TCEA2: variants seen among roughly 807,000 people sequenced by gnomAD.
TCEA2 encodes transcription elongation factor A2.
Under a neutral mutation model 40.8 loss-of-function variants are expected in TCEA2, and 21 were observed. The ratio of observed to expected loss-of-function variants is 0.51; its 90% confidence interval spans 0.36 to 0.74. The LOEUF (loss-of-function observed/expected upper bound fraction) is 0.74, where lower values mean the gene tolerates loss of function less well. TCEA2 is among the 30% of genes least tolerant of loss of function. The pLI is 0.00. For missense variants in TCEA2, 326 were observed against 426.5 expected, an observed-to-expected ratio of 0.76 and a Z score of 2.08; for synonymous variants, 165 against 162.7, an observed-to-expected ratio of 1.01 and a Z score of -0.11.
chr20:64,061,063 T>C (rs1167550003), upstream of TCEA2, among the ~76,000 whole-genome samples: 1 of 147,448 alleles, frequency 6.8e-6, no homozygotes, highest in African/African-American at 2.5e-5. Context: ...AGTGCTAGGA[T>C]TACAAGCATG....
chr20:64,069,329 G>A (rs1404589028), intron 4 of TCEA2, 32 bp from the exon 5 acceptor site: 1 of 1,547,666 alleles, frequency 6.5e-7, no homozygotes, highest in Non-Finnish European at 8.7e-7. Flanking sequence ...GCAGCCTTGA[G>A]TCTGAACCCA....
At chr20:64,058,370 C>T (rs151330015), upstream of TCEA2, among the ~76,000 whole-genome samples, 144 of 152,352 alleles carry the variant, frequency 9.5e-4, no homozygotes, top group African/African-American at 3.4e-3. The surrounding 1 kb of genome is among the most constrained non-coding windows in gnomAD (Gnocchi z 6.7). Context: ...GTCCTTAAGA[C>T]GCCACAGCAT....
upstream of TCEA2, among the ~76,000 whole-genome samples, chr20:64,060,596 C>G (rs1228664179): frequency 1.3e-5 from 2 of 152,162 alleles, no homozygotes; most frequent in African/African-American, 4.8e-5. Context: ...TATGCCCAAA[C>G]CATGGGATTC....
chr20:64,065,686 A>G (rs932675094), intron 1 of TCEA2: 6 of 152,330 alleles, frequency 3.9e-5, no homozygotes, highest in African/African-American at 1.4e-4. Flanking sequence ...TGGCCTCGTC[A>G]GTGTTGAGGA....
chr20:64,056,576 G>C (rs1236858033), upstream of TCEA2, among the ~76,000 whole-genome samples: 2 of 152,082 alleles, frequency 1.3e-5, no homozygotes, highest in Non-Finnish European at 2.9e-5. Context: ...CCCGCTCTGT[G>C]GTTGCAGGAA....
Position 64,066,509 on chromosome 20 carries a change from G to A in TCEA2, c.106G>A (p.Ala36Thr), listed in dbSNP as rs1019843127. Residue 36 changes from alanine to threonine, a missense_variant, in exon 2 of 10, where the codon GCC becomes ACC. Coordinates refer to ENST00000343484, the MANE Select transcript of TCEA2 (RefSeq NM_003195.6). ...GAMDLLRELKAMPITLHLLQS... is the reference protein window; with the variant it reads ...GAMDLLRELKTMPITLHLLQS... The stretch of plus-strand genomic sequence containing the variant: ...CATGGATTTGCTGCGGGAGCTGAAG[G>A]CCATGCCTATCACGCTGCACCTGCT... The A allele has an allele frequency of 1.2e-5, 19 of 1,613,750 alleles. No homozygotes were observed. Among genetic ancestry groups the A allele is most frequent in the Non-Finnish European group, 1.5e-5 (18 of 1,179,884 alleles).
upstream of TCEA2, among the ~76,000 whole-genome samples, chr20:64,056,381 G>A (rs940150244): frequency 2.6e-5 from 4 of 152,216 alleles, no homozygotes; most frequent in African/African-American, 9.7e-5. Context: ...TGCCCTGCTG[G>A]TGGGGGCATC....
intron 6 of TCEA2, 73 bp downstream of exon 6, chr20:64,069,894 G>A (rs779619033): frequency 1.3e-6 from 2 of 1,561,604 alleles, no homozygotes; most frequent in Non-Finnish European, 1.7e-6. Context: ...GGTGCCCTCT[G>A]GTGGCTGCTG....
At chr20:64,064,612 T>G in intron 1 of TCEA2, among the ~76,000 whole-genome samples, 1 of 152,008 alleles carries the variant, frequency 6.6e-6, no homozygotes, top group East Asian at 1.9e-4. Flanking sequence ...TTTGGGTGAT[T>G]TGTGCAGCCA....
Position 64,063,354 on chromosome 20 carries a change from G to A in TCEA2, c.42G>A (p.Arg14=), listed in dbSNP as rs749763855. 1.3e-6 allele frequency: 2 copies of A among 1,549,858 alleles called. No homozygotes were observed. Among genetic ancestry groups the A allele is most frequent in the South Asian group, 2.4e-5 (2 of 84,160 alleles). The change falls in exon 1 of 10, where the codon AGG becomes AGA. Residue 14 remains arginine (R), a synonymous_variant. Coordinates refer to ENST00000343484, the MANE Select transcript of TCEA2 (RefSeq NM_003195.6). ...AGGAGATTGCGCGGATCGCCCGGAGGCTGGACAAGATGGTGACCAAGAAGA... is the reference window on the plus strand; with the variant it reads ...AGGAGATTGCGCGGATCGCCCGGAGACTGGACAAGATGGTGACCAAGAAGA... ...KEEEIARIAR[R]LDKMVTKKSA...
intron 1 of TCEA2, among the ~76,000 whole-genome samples, chr20:64,064,801 A>T (rs1422442460): frequency 1.3e-5 from 2 of 152,178 alleles, no homozygotes; most frequent in Non-Finnish European, 2.9e-5. Context: ...CACCCCGGAA[A>T]ACTGGTCAGC....
At chr20:64,060,537 T>G (rs2059541349), upstream of TCEA2, among the ~76,000 whole-genome samples, 1 of 152,192 alleles carries the variant, frequency 6.6e-6, no homozygotes, top group African/African-American at 2.4e-5. Flanking sequence ...TGGGTGGCTC[T>G]AGCCTCCCCT....
intron 9 of TCEA2, 24 bp from the exon 10 acceptor site, chr20:64,072,141 AAGGCTGG>A (rs2059854041): frequency 1.2e-6 from 2 of 1,613,104 alleles, no homozygotes; most frequent in African/African-American, 2.7e-5. Flanking sequence ...ATGTGGCCAC[AAGGCTGG>A]AGGCCTCACC....
upstream of TCEA2, among the ~76,000 whole-genome samples, chr20:64,056,091 G>GGCC (rs1160279697): frequency 6.6e-6 from 1 of 152,158 alleles, no homozygotes. Context: ...AGGCCGCCAG[G>GGCC]GCCGCCACTG....
At chr20:64,063,537 C>T (rs1437527250) in intron 1 of TCEA2, 153 bp downstream of exon 1, 3 of 909,756 alleles carry the variant, frequency 3.3e-6, no homozygotes, top group Non-Finnish European at 4.9e-6. Flanking sequence ...GAGACCCCCA[C>T]CCGTGGCCGA....
At chr20:64,068,267 G>C (rs1354021424) in intron 4 of TCEA2, 133 bp downstream of exon 4, 1 of 787,436 alleles carries the variant, frequency 1.3e-6, no homozygotes, top group East Asian at 2.7e-5. Flanking sequence ...CCTCATGCTG[G>C]ACACCAGCCT....
upstream of TCEA2, among the ~76,000 whole-genome samples, chr20:64,059,193 CAAAAAAAAAAAA>C (rs60812317): frequency 0.028 from 2,591 of 91,310 alleles, 100 homozygotes; most frequent in African/African-American, 0.097. Flanking sequence ...AACTCTGTCT[CAAAAAAAAAAAA>C]AAAAAAAAAA....
intron 4 of TCEA2, 132 bp from the exon 5 acceptor site, chr20:64,069,229 G>A (rs997949639): frequency 4.4e-6 from 6 of 1,353,598 alleles, no homozygotes; most frequent in Non-Finnish European, 5.9e-6. Context: ...GCCACTGTTG[G>A]ACTCTGGCAG....
upstream of TCEA2, among the ~76,000 whole-genome samples, chr20:64,061,094 G>GTTTT (rs1427960508): frequency 1.5e-5 from 1 of 65,426 alleles, no homozygotes; most frequent in Non-Finnish European, 2.9e-5. Context: ...CCCAGCCTGA[G>GTTTT]TCTTTTTTTT....
Sources: gnomAD v4.1 joint callset for allele counts (sites outside exome capture counted in the v4.1 genomes callset) on GRCh38, gnomAD v4.1.1 for gene constraint, Gnocchi (gnomAD v3.1) non-coding constraint, MANE v1.5 for transcripts, NCBI Gene and HGNC (gene_info 2026-07-23, HGNC 2026-07-21) for gene names.